HLF: variants seen among roughly 807,000 people sequenced by gnomAD.
HLF encodes the protein hepatic leukemia factor.
HLF carries 3 observed loss-of-function variants against 22.6 expected under a neutral mutation model. The ratio of observed to expected loss-of-function variants is 0.13; its 90% CI spans 0.06 to 0.34. The LOEUF (loss-of-function observed/expected upper bound fraction) is 0.34. Ranked by LOEUF, HLF falls within the 10% of genes least tolerant of loss-of-function variation. The pLI is 1.00. For missense variants in HLF, 299 were observed against 389.2 expected (o/e 0.77, Z 1.95); for synonymous variants, 151 against 151.8 (o/e 0.99, Z 0.04).
intron 2 of HLF, among the ~76,000 whole-genome samples, chr17:55,312,010 A>G (rs1020676074): frequency 1.3e-5 from 2 of 152,166 alleles, no homozygotes; most frequent in African/African-American, 4.8e-5. Flanking sequence ...ATTCTTTTTA[A>G]TGGATACATA....
intron 2 of HLF, among the ~76,000 whole-genome samples, chr17:55,295,252 T>G (rs2145338529): frequency 6.6e-6 from 1 of 152,286 alleles, no homozygotes; most frequent in East Asian, 1.9e-4. Flanking sequence ...AAAAATTATA[T>G]TCATGGAAAG....
intron 2 of HLF, chr17:55,283,708 G>T (rs755715745): frequency 6.6e-6 from 1 of 152,208 alleles, no homozygotes; most frequent in African/African-American, 2.4e-5. Flanking sequence ...GTAAGTCCAT[G>T]GATACTCCAG....
In HLF at chr17:55,291,582, A is replaced by T. The variant is rs547627589; in HGVS notation, c.451+23496A>T. On this transcript the variant is annotated intron_variant, in intron 2 of 3. Coordinates refer to ENST00000226067, the MANE Select transcript of HLF (RefSeq NM_002126.5). ...TTGGCAGTGTACCTGTTATCCAAAAACTCTGATGGAGATGTACAAGAAGAT... is the reference window on the plus strand; with the variant it reads ...TTGGCAGTGTACCTGTTATCCAAAATCTCTGATGGAGATGTACAAGAAGAT... Among the ~76,000 whole-genome samples the T allele has an allele frequency of 8.9e-3, 1,327 of 148,850 alleles. 16 individuals carry two copies. The highest frequency in any genetic ancestry group is 0.028 in the African/African-American group (1,128 of 40,172).
intron 2 of HLF, among the ~76,000 whole-genome samples, chr17:55,299,571 C>G (rs1017580867): frequency 1.3e-5 from 2 of 151,978 alleles, no homozygotes; most frequent in Non-Finnish European, 2.9e-5. Context: ...CAAAATGTTC[C>G]CAAGGAGAAC....
chr17:55,294,956 T>C (rs1182430886), intron 2 of HLF, among the ~76,000 whole-genome samples: 1 of 152,252 alleles, frequency 6.6e-6, no homozygotes, highest in Non-Finnish European at 1.5e-5. Flanking sequence ...CACAAGCTCA[T>C]GGATGTTTGT....
At chr17:55,283,125 A>AG (rs1405645021) in intron 2 of HLF, among the ~76,000 whole-genome samples, 1 of 151,922 alleles carries the variant, frequency 6.6e-6, no homozygotes, top group Non-Finnish European at 1.5e-5. Flanking sequence ...TATAAAGAAA[A>AG]GAAAAAAAAA....
At chr17:55,313,357 T>C (rs893151869) in intron 2 of HLF, among the ~76,000 whole-genome samples, 2 of 129,292 alleles carry the variant, frequency 1.5e-5, no homozygotes, top group African/African-American at 5.7e-5. Flanking sequence ...AGGAGGTGTG[T>C]GCGTGTGTGT....
chr17:55,286,662 C>A (rs771226488), intron 2 of HLF, among the ~76,000 whole-genome samples: 1 of 152,246 alleles, frequency 6.6e-6, no homozygotes, highest in Admixed American at 6.5e-5. Context: ...TCATAACAAA[C>A]GGTTGAAAAT....
intron 2 of HLF, among the ~76,000 whole-genome samples, chr17:55,281,351 GA>G (rs1249597875): frequency 2.6e-5 from 4 of 152,064 alleles, no homozygotes; most frequent in Non-Finnish European, 5.9e-5. Flanking sequence ...CCGTCTCTAC[GA>G]AAAATACAAA....
At chr17:55,319,296 C>T (rs1381450204) in intron 3 of HLF, among the ~76,000 whole-genome samples, 2 of 152,090 alleles carry the variant, frequency 1.3e-5, no homozygotes, top group African/African-American at 4.8e-5. Context: ...TTGGCCCCAA[C>T]CCATGTGACC....
At chr17:55,267,021 C>A (rs1159616175) in intron 1 of HLF, among the ~76,000 whole-genome samples, 1 of 152,066 alleles carries the variant, frequency 6.6e-6, no homozygotes, top group Non-Finnish European at 1.5e-5. Flanking sequence ...TTTTAAACTC[C>A]TTTTGTAAAA....
Position 55,315,238 on chromosome 17 carries a change from C to T in HLF, c.463C>T (p.Pro155Ser). 1 of 1,613,942 alleles carries T rather than the reference C, an allele frequency of 6.2e-7. No homozygotes were observed. The highest frequency in any genetic ancestry group is 2.2e-5 in the East Asian group (1 of 44,890). ...QSPIRPGQLL[P>S]ANRNTPSPID... ...CTGTGTTGTTCCAGGTCAGCTGTTG[C>T]CAGCAAACCGCAATACACCAAGTCC... The change falls in exon 3 of 4, where the codon CCA becomes TCA. Residue 155 changes from proline to serine, a missense_variant. Physicochemically the swap from Pro to Ser is moderately conservative, Grantham distance 74 (BLOSUM62 -1). Coordinates refer to ENST00000226067, the MANE Select transcript of HLF (RefSeq NM_002126.5).
At chr17:55,286,316 C>G (rs559048827) in intron 2 of HLF, among the ~76,000 whole-genome samples, 1 of 152,032 alleles carries the variant, frequency 6.6e-6, no homozygotes, top group Admixed American at 6.5e-5. Flanking sequence ...CTTTACCTCT[C>G]GATAGTACCC....
intron 2 of HLF, among the ~76,000 whole-genome samples, chr17:55,282,603 A>G (rs896925933): frequency 8.5e-5 from 13 of 152,222 alleles, no homozygotes; most frequent in African/African-American, 3.1e-4. Flanking sequence ...TCTAGGTTCT[A>G]AAGCCAGTTT....
intron 2 of HLF, among the ~76,000 whole-genome samples, chr17:55,277,872 CT>C (rs1272324838): frequency 6.6e-6 from 1 of 152,172 alleles, no homozygotes; most frequent in Non-Finnish European, 1.5e-5. Context: ...GTATTTGTTT[CT>C]GTTAAATTGG....
At chr17:55,284,814 A>G (rs2080988103) in intron 2 of HLF, among the ~76,000 whole-genome samples, 1 of 152,232 alleles carries the variant, frequency 6.6e-6, no homozygotes. Flanking sequence ...CAAGTTGACC[A>G]CAGGGCACAG....
At chr17:55,285,306 C>A (rs1645592124) in intron 2 of HLF, among the ~76,000 whole-genome samples, 1 of 152,104 alleles carries the variant, frequency 6.6e-6, no homozygotes, top group Non-Finnish European at 1.5e-5. Context: ...TGAGAGTGTC[C>A]ATTGAGGACT....
intron 2 of HLF, among the ~76,000 whole-genome samples, chr17:55,280,601 CT>C (rs1289562656): frequency 1.3e-5 from 2 of 152,172 alleles, no homozygotes; most frequent in East Asian, 3.9e-4. Flanking sequence ...TAGGTTTCTT[CT>C]TTTTACCCTT....
Position 55,320,367 on chromosome 17 carries a change from G to A in HLF, c.673-297G>A, listed in dbSNP as rs1905221831. Among the ~76,000 whole-genome samples, 1 of 152,234 alleles carries A rather than the reference G, an allele frequency of 6.6e-6. No individual in the cohort carries two copies. The highest frequency in any genetic ancestry group is 6.5e-5 in the Admixed American group (1 of 15,280). ...GAAAGTTGAAATGTAATTTAAGGGT[G>A]AGGTGAGCCACCTGCTTTCATCCAG... On this transcript the variant is annotated intron_variant, in intron 3 of 3. Transcript: ENST00000226067. This position sits in a 1 kb window ranked among gnomAD's most constrained non-coding sequence, Gnocchi z 4.2.
Sources: gnomAD v4.1 joint callset for allele counts (sites outside exome capture counted in the v4.1 genomes callset) on GRCh38, gnomAD v4.1.1 for gene constraint, Gnocchi (gnomAD v3.1) non-coding constraint, MANE v1.5 for transcripts, NCBI Gene and HGNC (gene_info 2026-07-23, HGNC 2026-07-21) for gene names.